Variants in TCF7L2 observed in about 807,000 individuals in gnomAD.
TCF7L2 encodes the protein transcription factor 7-like 2.
Under a neutral mutation model 77.9 loss-of-function variants are expected in TCF7L2, and 23 were observed. That is an observed-to-expected ratio of 0.30 (90% CI 0.21 to 0.42). The LOEUF (loss-of-function observed/expected upper bound fraction) is 0.42, where lower values mean the gene tolerates loss of function less well. Ranked by LOEUF, TCF7L2 falls within the 10% of genes least tolerant of loss-of-function variation. TCF7L2 has a pLI of 1.00. For synonymous variants in TCF7L2, 413 were observed against 340.2 expected, an observed-to-expected ratio of 1.21 and a Z score of -2.36; for missense variants, 654 against 793.1, an observed-to-expected ratio of 0.82 and a Z score of 2.11.
Position 113,009,679 on chromosome 10 carries a change from G to A in TCF7L2, c.451-30346G>A, listed in dbSNP as rs117690943. 5.0e-3 allele frequency among the ~76,000 whole-genome samples: 767 copies of A among 152,220 alleles called. 4 individuals carry two copies. Among genetic ancestry groups the A allele is most frequent in the Middle Eastern group, 0.031 (9 of 294 alleles). On this transcript the variant is annotated intron_variant, in intron 4 of 13. Transcript: ENST00000627217. ...ATGCTCACATGACGTCCCTGAGATG[G>A]GCTTCTTTTTTGCCCGTACTTAAAG...
At chr10:112,996,487 T>C (rs1163984215) in intron 4 of TCF7L2, among the ~76,000 whole-genome samples, 1 of 152,198 alleles carries the variant, frequency 6.6e-6, no homozygotes, top group Non-Finnish European at 1.5e-5. Flanking sequence ...TCCAGATGGT[T>C]GCACTCTCAA....
At chr10:112,990,009 A>G (rs573334871) in intron 4 of TCF7L2, among the ~76,000 whole-genome samples, 57 of 152,226 alleles carry the variant, frequency 3.7e-4, no homozygotes, top group Non-Finnish European at 6.8e-4. Flanking sequence ...ATGCCCCAGG[A>G]GCTCATACAG....
At chr10:113,161,615 A>G in intron 13 of TCF7L2, 2 of 1,536,086 alleles carry the variant, frequency 1.3e-6, no homozygotes, top group Non-Finnish European at 1.7e-6. Flanking sequence ...TAGGTATTTC[A>G]ACACCCTAAA....
intron 3 of TCF7L2, 99 bp from the exon 4 acceptor site, chr10:112,964,457 C>A: frequency 9.4e-7 from 1 of 1,059,298 alleles, no homozygotes; most frequent in Non-Finnish European, 1.5e-6. Flanking sequence ...GGCTGCAGTT[C>A]AATCTAGGAA....
chr10:113,054,563 T>A (rs2055019825), intron 5 of TCF7L2, among the ~76,000 whole-genome samples: 3 of 152,190 alleles, frequency 2.0e-5, no homozygotes. Context: ...TCTAGCTTTT[T>A]TTAAAATTAA....
At chr10:112,985,658 G>C (rs2041344047) in intron 4 of TCF7L2, among the ~76,000 whole-genome samples, 1 of 152,190 alleles carries the variant, frequency 6.6e-6, no homozygotes. Flanking sequence ...GGAGCAAGAG[G>C]CTGGCAGCCT....
At chr10:113,153,365 C>G (rs2071161202) in intron 11 of TCF7L2, among the ~76,000 whole-genome samples, 1 of 152,228 alleles carries the variant, frequency 6.6e-6, no homozygotes, top group African/African-American at 2.4e-5. Flanking sequence ...AGGGATTTCA[C>G]CATCCACTCT....
At position 113,062,919 on chromosome 10, in the gene TCF7L2, G is replaced by A. The variant is rs561447905; in HGVS notation, c.552+22793G>A. 7.0e-4 allele frequency among the ~76,000 whole-genome samples: 107 copies of A among 152,294 alleles called. 1 individual carries two copies. In the South Asian group the frequency reaches 0.011, roughly 16 times the overall value. On this transcript the variant is annotated intron_variant, in intron 5 of 13. Transcript: ENST00000627217. ...TCCTAAACATTAACAGCCACAAAAGGTAGAGAGTGTGTCTGTTTATAGATA... is the reference window on the plus strand; with the variant it reads ...TCCTAAACATTAACAGCCACAAAAGATAGAGAGTGTGTCTGTTTATAGATA...
At chr10:113,089,428 A>G (rs1413915701) in intron 5 of TCF7L2, 1 of 1,613,728 alleles carries the variant, frequency 6.2e-7, no homozygotes, top group Non-Finnish European at 8.5e-7. Context: ...ACTCAGGGAC[A>G]TGACTGTCAG....
At chr10:113,154,046 G>A (rs936369823) in intron 11 of TCF7L2, among the ~76,000 whole-genome samples, 79 of 152,342 alleles carry the variant, frequency 5.2e-4, no homozygotes, top group African/African-American at 1.8e-3. Context: ...CTGGGATGGC[G>A]CGTGTGCTCT....
intron 5 of TCF7L2, among the ~76,000 whole-genome samples, chr10:113,073,995 C>T (rs1430152960): frequency 6.6e-6 from 1 of 152,168 alleles, no homozygotes; most frequent in Non-Finnish European, 1.5e-5. Flanking sequence ...CATTCCACAT[C>T]CGGTGCTGCT....
chr10:112,981,333 A>G (rs1273830855), intron 4 of TCF7L2, among the ~76,000 whole-genome samples: 1 of 152,158 alleles, frequency 6.6e-6, no homozygotes, highest in Admixed American at 6.5e-5. Flanking sequence ...AAAGAAAGAA[A>G]AAAAGGGGAA....
chr10:112,954,810 C>T (rs2033072267), intron 3 of TCF7L2, among the ~76,000 whole-genome samples: 1 of 152,170 alleles, frequency 6.6e-6, no homozygotes, highest in South Asian at 2.1e-4. Context: ...GCCCTTGCAT[C>T]TTCTCTTATC....
At chr10:113,094,040 T>C (rs1425235351) in intron 5 of TCF7L2, among the ~76,000 whole-genome samples, 2 of 152,264 alleles carry the variant, frequency 1.3e-5, no homozygotes, top group African/African-American at 4.8e-5. Context: ...CCTACCCTTT[T>C]GCTGGTGTTG....
intron 5 of TCF7L2, among the ~76,000 whole-genome samples, chr10:113,067,307 C>T (rs983456516): frequency 6.6e-6 from 1 of 152,222 alleles, no homozygotes; most frequent in Non-Finnish European, 1.5e-5. Flanking sequence ...CAGCAGACAA[C>T]TGGCAGAAGA....
At chr10:113,074,606 C>G (rs2058492069) in intron 5 of TCF7L2, among the ~76,000 whole-genome samples, 1 of 152,122 alleles carries the variant, frequency 6.6e-6, no homozygotes, top group Non-Finnish European at 1.5e-5. Flanking sequence ...CACATTGACA[C>G]CAGCACCATA....
intron 5 of TCF7L2, among the ~76,000 whole-genome samples, chr10:113,052,618 T>C (rs1431197359): frequency 1.3e-5 from 2 of 152,232 alleles, no homozygotes; most frequent in Admixed American, 1.3e-4. Context: ...GGACTGTGGC[T>C]CAGCTGGCCT....
intron 4 of TCF7L2, among the ~76,000 whole-genome samples, 189 bp downstream of exon 4, chr10:112,964,813 G>GGTGGT (rs1564719445): frequency 4.1e-5 from 4 of 98,410 alleles, no homozygotes; most frequent in African/African-American, 3.1e-4. Flanking sequence ...TGGTGGTGGT[G>GGTGGT]GGGGGGGGTT....
intron 4 of TCF7L2, among the ~76,000 whole-genome samples, chr10:113,004,351 T>TG (rs939092011): frequency 1.2e-4 from 18 of 152,188 alleles, no homozygotes; most frequent in African/African-American, 4.3e-4. Context: ...GAAGCCGTGA[T>TG]GGAGCTGCAG....
Sources: gnomAD v4.1 joint callset for allele counts (sites outside exome capture counted in the v4.1 genomes callset) on GRCh38, gnomAD v4.1.1 for gene constraint, MANE v1.5 for transcripts, NCBI Gene and HGNC (gene_info 2026-07-23, HGNC 2026-07-21) for gene names.